TRAK1: variants seen among roughly 807,000 people sequenced by gnomAD.
TRAK1 encodes trafficking kinesin protein 1.
Under a neutral mutation model 92.1 loss-of-function variants are expected in TRAK1, and 33 were observed. That is an observed-to-expected ratio of 0.36 (90% CI 0.27 to 0.48). TRAK1 has a LOEUF of 0.48. Among genes scored for constraint, TRAK1 ranks in the 20% least tolerant of loss-of-function variants. TRAK1 has a pLI of 0.99. For synonymous variants in TRAK1, 521 were observed against 517.3 expected (o/e 1.01, Z -0.10); for missense variants, 1,123 against 1,257.9 (o/e 0.89, Z 1.62).
intron 1 of TRAK1, among the ~76,000 whole-genome samples, chr3:42,055,134 G>T (rs2148918608): frequency 6.6e-6 from 1 of 151,902 alleles, no homozygotes; most frequent in South Asian, 2.1e-4. Context: ...TGGCCAGGCT[G>T]GCCTCAAACT....
At chr3:42,035,963 T>C (rs568215931) in intron 1 of TRAK1, among the ~76,000 whole-genome samples, 25 of 152,250 alleles carry the variant, frequency 1.6e-4, no homozygotes, top group Non-Finnish European at 2.9e-4. Flanking sequence ...TCTAGGTATT[T>C]CCTGCTCAAC....
At chr3:42,013,154 C>A (rs1448517524), upstream of TRAK1, among the ~76,000 whole-genome samples, 1 of 152,158 alleles carries the variant, frequency 6.6e-6, no homozygotes, top group Non-Finnish European at 1.5e-5. This position sits in a 1 kb window ranked among gnomAD's most constrained non-coding sequence, Gnocchi z 5.1. Context: ...GCATCTTAGT[C>A]CAACAGCCAG....
At chr3:42,210,097 A>AGGT (rs147555800) in intron 14 of TRAK1, 112 bp downstream of exon 14, 1 of 1,604,586 alleles carries the variant, frequency 6.2e-7, no homozygotes. Flanking sequence ...GAGGAGGAGG[A>AGGT]GGAGGAGGAG....
chr3:42,017,396 G>A (rs1270213154), intron 1 of TRAK1, among the ~76,000 whole-genome samples: 1 of 152,230 alleles, frequency 6.6e-6, no homozygotes. Context: ...AAGGGCTTAT[G>A]TGGGTTCTTA....
intron 1 of TRAK1, among the ~76,000 whole-genome samples, chr3:42,054,727 C>G (rs1703126116): frequency 6.6e-6 from 1 of 151,928 alleles, no homozygotes; most frequent in Non-Finnish European, 1.5e-5. Flanking sequence ...GTGGAAATAA[C>G]TTTTTTATTC....
chr3:42,099,027 G>T (rs1050149731), intron 1 of TRAK1, among the ~76,000 whole-genome samples: 2 of 151,646 alleles, frequency 1.3e-5, no homozygotes, highest in African/African-American at 4.8e-5. Flanking sequence ...CTGAGGGAGA[G>T]CTGTGGGGGA....
At position 42,135,994 on chromosome 3, in the gene TRAK1, A is replaced by G. The variant is rs74711301; in HGVS notation, c.286+10380A>G. On this transcript the variant is annotated intron_variant, in intron 2 of 15. Transcript: ENST00000327628. ...GTGGACATGCGCCAGGCCCTCACCAATGACCCTGTCCATTCTCATAGGTGC... is the reference window on the plus strand; with the variant it reads ...GTGGACATGCGCCAGGCCCTCACCAGTGACCCTGTCCATTCTCATAGGTGC... Among the ~76,000 whole-genome samples, 940 of 152,342 alleles carry G rather than the reference A, an allele frequency of 6.2e-3. 37 individuals are homozygous for G. In the East Asian group the frequency reaches 0.11, roughly 18 times the overall value.
At chr3:42,205,203 A>C (rs1054025568) in intron 13 of TRAK1, among the ~76,000 whole-genome samples, 1 of 152,150 alleles carries the variant, frequency 6.6e-6, no homozygotes, top group African/African-American at 2.4e-5. Flanking sequence ...GCTCCAATCC[A>C]GGTCTGTAGG....
At chr3:42,024,304 T>C (rs1052525540) in intron 1 of TRAK1, among the ~76,000 whole-genome samples, 3 of 152,182 alleles carry the variant, frequency 2.0e-5, no homozygotes, top group African/African-American at 7.2e-5. Flanking sequence ...CCAAGTGAGA[T>C]AGAAGCTAAA....
chr3:42,095,183 T>G (rs1476554651), intron 1 of TRAK1, among the ~76,000 whole-genome samples: 1 of 152,100 alleles, frequency 6.6e-6, no homozygotes, highest in East Asian at 1.9e-4. Context: ...TACTGAGGAG[T>G]AGCTCTGTGC....
At chr3:42,013,671 G>GCGCGGCGGCGCC (rs1701396061), upstream of TRAK1, 1 of 147,268 alleles carries the variant, frequency 6.8e-6, no homozygotes, top group Non-Finnish European at 1.5e-5. This position sits in a 1 kb window ranked among gnomAD's most constrained non-coding sequence, Gnocchi z 5.1. Context: ...GCGAGAGGCC[G>GCGCGGCGGCGCC]CGCGGCGGCG....
At chr3:42,177,007 T>A (rs994390435) in intron 3 of TRAK1, 117 bp downstream of exon 3, 7 of 922,042 alleles carry the variant, frequency 7.6e-6, no homozygotes, top group Middle Eastern at 2.7e-4. Flanking sequence ...TTGGTCTCTT[T>A]CGAGGTATAA....
At chr3:42,076,821 AG>A (rs1204777469) in intron 1 of TRAK1, among the ~76,000 whole-genome samples, 1 of 152,172 alleles carries the variant, frequency 6.6e-6, no homozygotes, top group Non-Finnish European at 1.5e-5. Flanking sequence ...GGCAGAAGGA[AG>A]GGGTCTAGTT....
chr3:42,091,833 G>A (rs1199828083), intron 1 of TRAK1, among the ~76,000 whole-genome samples: 2 of 152,174 alleles, frequency 1.3e-5, no homozygotes, highest in South Asian at 2.1e-4. Context: ...ACACTTGCAG[G>A]GCATGAGCAC....
intron 1 of TRAK1, among the ~76,000 whole-genome samples, chr3:42,016,777 T>C (rs939271477): frequency 1.3e-5 from 2 of 152,188 alleles, no homozygotes; most frequent in African/African-American, 2.4e-5. Context: ...TTTTTTACCC[T>C]TTGGGGCTCA....
At chr3:42,186,784 C>T (rs1704922701) in intron 4 of TRAK1, among the ~76,000 whole-genome samples, 1 of 152,204 alleles carries the variant, frequency 6.6e-6, no homozygotes, top group Admixed American at 6.5e-5. Context: ...AATTTGAAAG[C>T]TATGAATGTT....
At chr3:42,069,242 G>A (rs1186015949) in intron 1 of TRAK1, among the ~76,000 whole-genome samples, 2 of 151,680 alleles carry the variant, frequency 1.3e-5, no homozygotes, top group Non-Finnish European at 1.5e-5. Context: ...GATTGCTTTA[G>A]CCCGGGAGGT....
chr3:42,101,856 A>C (rs1706800919), intron 1 of TRAK1, among the ~76,000 whole-genome samples: 1 of 152,222 alleles, frequency 6.6e-6, no homozygotes, highest in South Asian at 2.1e-4. Context: ...ATAGTATTCA[A>C]AGAGCTGTTG....
At chr3:42,183,574 A>T (rs1236796066) in intron 3 of TRAK1, among the ~76,000 whole-genome samples, 2 of 151,504 alleles carry the variant, frequency 1.3e-5, no homozygotes, top group African/African-American at 4.8e-5. Context: ...AAAAAAAAGA[A>T]AGAAAGAATC....
Sources: allele counts gnomAD v4.1 joint callset (sites outside exome capture counted in the v4.1 genomes callset), GRCh38; gene constraint gnomAD v4.1.1; non-coding constraint Gnocchi (gnomAD v3.1); transcripts MANE v1.5; gene names NCBI Gene and HGNC (gene_info 2026-07-23, HGNC 2026-07-21).